Variants in KLF12 observed in about 807,000 individuals in gnomAD.
KLF12 encodes the protein KLF transcription factor 12.
A neutral mutation model predicts 37.8 loss-of-function variants in KLF12; 9 were observed. The ratio of observed to expected loss-of-function variants is 0.24; its 90% CI spans 0.14 to 0.42. The LOEUF is 0.42. Ranked by LOEUF, KLF12 falls within the 10% of genes least tolerant of loss-of-function variation. The pLI is 1.00. For missense variants in KLF12, 411 were observed against 516.0 expected (o/e 0.80, Z 1.97); for synonymous variants, 208 against 202.1 (o/e 1.03, Z -0.25).
At chr13:73,802,805 C>G (rs1446715093) in intron 5 of KLF12, among the ~76,000 whole-genome samples, 1 of 152,102 alleles carries the variant, frequency 6.6e-6, no homozygotes. Context: ...CAATTTCATT[C>G]TTTTTTATGG....
intron 6 of KLF12, among the ~76,000 whole-genome samples, chr13:73,728,114 T>C (rs1876800244): frequency 6.6e-6 from 1 of 152,232 alleles, no homozygotes; most frequent in African/African-American, 2.4e-5. Flanking sequence ...CATCTTTCCG[T>C]TTAATTAAAA....
At chr13:73,947,897 TCTC>T (rs1890501908) in intron 2 of KLF12, among the ~76,000 whole-genome samples, 1 of 152,072 alleles carries the variant, frequency 6.6e-6, no homozygotes, top group African/African-American at 2.4e-5. Context: ...ATTTCCTTTC[TCTC>T]CTCCTGACCT....
intron 6 of KLF12, among the ~76,000 whole-genome samples, chr13:73,764,541 T>C (rs1443093452): frequency 6.6e-6 from 1 of 152,014 alleles, no homozygotes; most frequent in African/African-American, 2.4e-5. Flanking sequence ...ACTGAGTTCG[T>C]TGTAATCCCC....
At chr13:73,717,058 C>T (rs11838649) in intron 6 of KLF12, among the ~76,000 whole-genome samples, 22,749 of 152,094 alleles carry the variant, frequency 0.15, 2,524 homozygotes, top group African/African-American at 0.31. Context: ...ATTTCAACAC[C>T]GAGGGCCACA....
chr13:73,985,123 C>T (rs1166715775), intron 2 of KLF12, among the ~76,000 whole-genome samples: 2 of 152,200 alleles, frequency 1.3e-5, no homozygotes, highest in Admixed American at 1.3e-4. Flanking sequence ...TGAGAGCCAG[C>T]ACTAACTGGA....
At chr13:74,188,035 T>C in the KLF12 span, among the ~76,000 whole-genome samples, 3 of 152,234 alleles carry the variant, frequency 2.0e-5, no homozygotes, top group Non-Finnish European at 4.4e-5. Flanking sequence ...CATTTGTTCT[T>C]ATTATGTAGA....
intron 1 of KLF12, among the ~76,000 whole-genome samples, chr13:74,132,949 TCA>T (rs1322121910): frequency 1.3e-5 from 2 of 152,122 alleles, no homozygotes; most frequent in African/African-American, 4.8e-5. Context: ...GTCTGAACCC[TCA>T]GAGTGAGCTT....
At chr13:73,991,420 G>A (rs1224723926) in intron 2 of KLF12, among the ~76,000 whole-genome samples, 2 of 152,158 alleles carry the variant, frequency 1.3e-5, no homozygotes, top group East Asian at 3.8e-4. Context: ...CTGACTTTGT[G>A]ATGTGAAATC....
intron 6 of KLF12, among the ~76,000 whole-genome samples, chr13:73,730,924 TTTG>T (rs1481375653): frequency 6.6e-6 from 1 of 150,760 alleles, no homozygotes; most frequent in East Asian, 2.0e-4. Context: ...GTGCCATGAT[TTTG>T]TTTTGTTCTG....
chr13:73,774,518 A>G (rs1033006130), intron 5 of KLF12, among the ~76,000 whole-genome samples: 5 of 152,266 alleles, frequency 3.3e-5, no homozygotes, highest in Non-Finnish European at 7.4e-5. Context: ...AAATTAGTGG[A>G]CACAGTGGGA....
At chr13:74,202,376 T>A in the KLF12 span, among the ~76,000 whole-genome samples, 1 of 152,116 alleles carries the variant, frequency 6.6e-6, no homozygotes, top group Non-Finnish European at 1.5e-5. Flanking sequence ...TTCAAGGGAT[T>A]GTTCAACCTT....
chr13:74,275,806 CCTTCTTTCTTTCTTTCTTTCT>C, the KLF12 span, among the ~76,000 whole-genome samples: 2 of 79,578 alleles, frequency 2.5e-5, no homozygotes, highest in African/African-American at 5.4e-5. Flanking sequence ...TTCTTTCTTT[CCTTCTTTCTTTCTTTCTTTCT>C]TTCTTTCTTT....
intron 6 of KLF12, among the ~76,000 whole-genome samples, chr13:73,726,059 C>CG (rs1050457681): frequency 5.3e-5 from 8 of 151,734 alleles, no homozygotes; most frequent in African/African-American, 1.5e-4. Context: ...TTAGTAAAGA[C>CG]GGGGTTTCTC....
chr13:73,970,723 G>A (rs1207400015), intron 2 of KLF12, among the ~76,000 whole-genome samples: 1 of 152,106 alleles, frequency 6.6e-6, no homozygotes, highest in Non-Finnish European at 1.5e-5. Context: ...ATGAAAATGT[G>A]GAAATGCTGA....
chr13:74,200,283 C>T, the KLF12 span, among the ~76,000 whole-genome samples: 1 of 151,942 alleles, frequency 6.6e-6, no homozygotes, highest in East Asian at 1.9e-4. Flanking sequence ...TAGATTCAGG[C>T]ATACCAGAGG....
chr13:73,704,202 C>A (rs574554181), intron 7 of KLF12, among the ~76,000 whole-genome samples: 16 of 152,116 alleles, frequency 1.1e-4, no homozygotes, highest in Non-Finnish European at 2.1e-4. Context: ...TCCACTACAA[C>A]CTATAAGGGA....
At chr13:74,218,780 A>G in the KLF12 span, among the ~76,000 whole-genome samples, 2 of 152,202 alleles carry the variant, frequency 1.3e-5, no homozygotes, top group South Asian at 2.1e-4. Context: ...ATTTTATGGT[A>G]AAGTCTCAAT....
At chr13:74,290,651 A>G in the KLF12 span, among the ~76,000 whole-genome samples, 3 of 152,300 alleles carry the variant, frequency 2.0e-5, no homozygotes, top group East Asian at 5.8e-4. Context: ...CTCACGTATT[A>G]TTGGTTAAGA....
chr13:73,750,372 A>G (rs1313696270), intron 6 of KLF12, among the ~76,000 whole-genome samples: 1 of 152,178 alleles, frequency 6.6e-6, no homozygotes, highest in Non-Finnish European at 1.5e-5. Flanking sequence ...GGATAGTGGA[A>G]GAGATGTCTT....
Sources: allele counts gnomAD v4.1 joint callset (sites outside exome capture counted in the v4.1 genomes callset), GRCh38; gene constraint gnomAD v4.1.1; transcripts MANE v1.5; gene names NCBI Gene and HGNC (gene_info 2026-07-23, HGNC 2026-07-21).